LRRTM4: variants seen among roughly 807,000 people sequenced by gnomAD.
LRRTM4 encodes the protein leucine rich repeat transmembrane neuronal 4.
LRRTM4 carries 25 observed loss-of-function variants against 47.6 expected under a neutral mutation model. The ratio of observed to expected loss-of-function variants is 0.53; its 90% CI spans 0.38 to 0.73. The LOEUF (loss-of-function observed/expected upper bound fraction) is 0.73, where lower values mean the gene tolerates loss of function less well. Among genes scored for constraint, LRRTM4 ranks in the 30% least tolerant of loss-of-function variants. The pLI, the probability that LRRTM4 is intolerant of heterozygous loss-of-function variation, is 0.00. For missense variants in LRRTM4, 638 were observed against 713.4 expected, an observed-to-expected ratio of 0.89 and a Z score of 1.20; for synonymous variants, 311 against 269.5, an observed-to-expected ratio of 1.15 and a Z score of -1.51.
intron 3 of LRRTM4, among the ~76,000 whole-genome samples, chr2:77,489,452 G>C (rs1382745220): frequency 6.6e-6 from 1 of 152,120 alleles, no homozygotes; most frequent in Non-Finnish European, 1.5e-5. Flanking sequence ...ATCAACAGGA[G>C]AAAAACCAAA....
chr2:76,919,684 A>G (rs1266939492), intron 3 of LRRTM4, among the ~76,000 whole-genome samples: 1 of 152,146 alleles, frequency 6.6e-6, no homozygotes, highest in Non-Finnish European at 1.5e-5. Flanking sequence ...TACGTGAAAT[A>G]TATTAATAAA....
At chr2:77,465,796 T>A (rs955648934) in intron 3 of LRRTM4, among the ~76,000 whole-genome samples, 4 of 152,192 alleles carry the variant, frequency 2.6e-5, no homozygotes, top group Non-Finnish European at 5.9e-5. Context: ...ACAGTTTCTG[T>A]TTGGATTTAT....
intron 3 of LRRTM4, among the ~76,000 whole-genome samples, chr2:76,782,898 T>G (rs1674478108): frequency 6.6e-6 from 1 of 152,198 alleles, no homozygotes; most frequent in Non-Finnish European, 1.5e-5. Flanking sequence ...ATTTAAATTA[T>G]AGAGTGTTCT....
intron 3 of LRRTM4, among the ~76,000 whole-genome samples, chr2:77,005,294 G>T (rs926166921): frequency 7.9e-5 from 12 of 152,124 alleles, no homozygotes; most frequent in Non-Finnish European, 5.9e-5. Flanking sequence ...ATACATGCCT[G>T]CCACCACACC....
intron 3 of LRRTM4, among the ~76,000 whole-genome samples, chr2:76,824,331 T>C (rs1671133965): frequency 6.6e-6 from 1 of 151,612 alleles, no homozygotes; most frequent in Admixed American, 6.6e-5. Context: ...CATAAATGCA[T>C]GAATGGAATA....
At chr2:76,953,105 C>G (rs1187848065) in intron 3 of LRRTM4, among the ~76,000 whole-genome samples, 1 of 151,246 alleles carries the variant, frequency 6.6e-6, no homozygotes, top group South Asian at 2.1e-4. Flanking sequence ...ATACAATATA[C>G]TAGTGTAACA....
At chr2:76,820,134 G>C (rs143543068) in intron 3 of LRRTM4, among the ~76,000 whole-genome samples, 1 of 151,882 alleles carries the variant, frequency 6.6e-6, no homozygotes, top group East Asian at 1.9e-4. Context: ...CAAGCTTTTG[G>C]TCATGCAACT....
intron 3 of LRRTM4, among the ~76,000 whole-genome samples, chr2:77,483,547 G>T (rs1287195445): frequency 1.3e-5 from 2 of 152,226 alleles, no homozygotes; most frequent in Non-Finnish European, 2.9e-5. Flanking sequence ...CACCATGTTG[G>T]CCAAGCTGCT....
intron 3 of LRRTM4, among the ~76,000 whole-genome samples, chr2:76,889,639 T>C (rs1480431229): frequency 6.6e-6 from 1 of 151,980 alleles, no homozygotes; most frequent in African/African-American, 2.4e-5. Flanking sequence ...TCAAGTTAAC[T>C]GATGATCCAA....
chr2:77,521,062 A>C (rs1679472632), intron 2 of LRRTM4, among the ~76,000 whole-genome samples: 1 of 151,888 alleles, frequency 6.6e-6, no homozygotes, highest in African/African-American at 2.4e-5. Flanking sequence ...TTTAATTTAA[A>C]ACCCGATCTT....
intron 3 of LRRTM4, among the ~76,000 whole-genome samples, chr2:77,473,728 C>G (rs1420549991): frequency 6.6e-6 from 1 of 152,134 alleles, no homozygotes; most frequent in Admixed American, 6.6e-5. Flanking sequence ...AATAAAGTTA[C>G]TGCCAGGGGT....
At chr2:77,101,718 C>T (rs1280948730) in intron 3 of LRRTM4, among the ~76,000 whole-genome samples, 1 of 152,110 alleles carries the variant, frequency 6.6e-6, no homozygotes, top group Non-Finnish European at 1.5e-5. Context: ...ACGTTATCAG[C>T]TAGTCATTTA....
intron 3 of LRRTM4, among the ~76,000 whole-genome samples, chr2:77,362,715 G>A (rs1672288999): frequency 6.6e-6 from 1 of 152,056 alleles, no homozygotes; most frequent in Non-Finnish European, 1.5e-5. Flanking sequence ...TTTCATCAGG[G>A]CCATAAGACT....
At chr2:77,344,974 A>C (rs887416461) in intron 3 of LRRTM4, among the ~76,000 whole-genome samples, 2 of 151,618 alleles carry the variant, frequency 1.3e-5, no homozygotes, top group African/African-American at 4.8e-5. Context: ...AATTATATAA[A>C]TAGATAGGGA....
rs183952737 is a variant in LRRTM4, at chr2:77,048,132, T to C, written c.1552-299216A>G. Among the ~76,000 whole-genome samples, 85 of 152,158 alleles carry C rather than the reference T, an allele frequency of 5.6e-4. 1 individual carries two copies. Among genetic ancestry groups the C allele is most frequent in the Non-Finnish European group, 9.3e-4 (63 of 67,972 alleles). On this transcript the variant is annotated intron_variant, in intron 3 of 3. Transcript: ENST00000409884. ...AGTCAAATGCAGACAATGGAAGATA[T>C]TATGTTAGGGAAAAAATGAAGCAGC...
In LRRTM4 at chr2:77,246,973, G is replaced by T. The variant is rs536817361; in HGVS notation, c.1551+271345C>A. On this transcript the variant is annotated intron_variant, in intron 3 of 3. Transcript: ENST00000409884. ...GGCAAATATGCCAGCATATATAAAT[G>T]TGTTTGCAAAAATGTTTTATATTTA... is the stretch of plus-strand genomic sequence containing the variant. Among the ~76,000 whole-genome samples, 40 of 151,960 alleles carry T rather than the reference G, an allele frequency of 2.6e-4. No individual in the cohort carries two copies. The South Asian group carries it at 8.1e-3, about 31-fold the overall frequency.
chr2:77,453,332 C>T (rs1190635740), intron 3 of LRRTM4, among the ~76,000 whole-genome samples: 1 of 151,868 alleles, frequency 6.6e-6, no homozygotes, highest in Non-Finnish European at 1.5e-5. Flanking sequence ...CAGGCGCCCA[C>T]CACCACGCCT....
At chr2:77,225,375 A>T (rs566951338) in intron 3 of LRRTM4, among the ~76,000 whole-genome samples, 75 of 149,792 alleles carry the variant, frequency 5.0e-4, no homozygotes, top group African/African-American at 1.3e-3. Flanking sequence ...ATAATAAAAT[A>T]AAAAAAAAGA....
At chr2:76,779,192 T>A (rs550529104) in intron 3 of LRRTM4, among the ~76,000 whole-genome samples, 13 of 152,016 alleles carry the variant, frequency 8.6e-5, no homozygotes, top group Admixed American at 3.3e-4. Flanking sequence ...TATGTGGTCA[T>A]GTTTGGAATA....
Sources: allele counts gnomAD v4.1 joint callset (sites outside exome capture counted in the v4.1 genomes callset), GRCh38; gene constraint gnomAD v4.1.1; transcripts MANE v1.5; gene names NCBI Gene and HGNC (gene_info 2026-07-23, HGNC 2026-07-21).